The following ZBTB40 variants were observed in gnomAD, a reference collection of about 807,000 sequenced individuals.
The protein encoded by ZBTB40 is zinc finger and BTB domain containing 40, also known as zinc finger and BTB domain-containing protein 40.
Under a neutral mutation model 117.5 loss-of-function variants are expected in ZBTB40, and 60 were observed. The observed-to-expected ratio is 0.51, with a 90% CI of 0.41 to 0.63. The LOEUF is 0.63. Ranked by LOEUF, ZBTB40 falls within the 30% of genes least tolerant of loss-of-function variation. The pLI is 0.00. For missense variants in ZBTB40, 1,287 were observed against 1,498.5 expected, an observed-to-expected ratio of 0.86 and a Z score of 2.33; for synonymous variants, 525 against 577.1, an observed-to-expected ratio of 0.91 and a Z score of 1.29.
intron 1 of ZBTB40, among the ~76,000 whole-genome samples, chr1:22,461,531 A>G (rs1430547914): frequency 6.6e-6 from 1 of 152,192 alleles, no homozygotes; most frequent in African/African-American, 2.4e-5. Context: ...ATGGAGGGAA[A>G]TAGAGAGATG....
chr1:22,505,609 ACCTATGCT>A (rs1365501623), intron 5 of ZBTB40, among the ~76,000 whole-genome samples: 2 of 152,352 alleles, frequency 1.3e-5, no homozygotes, highest in African/African-American at 4.8e-5. Flanking sequence ...TGGAATTATA[ACCTATGCT>A]AATATTATGA....
At chr1:22,447,494 A>C (rs1325459909), upstream of ZBTB40, among the ~76,000 whole-genome samples, 1 of 152,126 alleles carries the variant, frequency 6.6e-6, no homozygotes, top group Non-Finnish European at 1.5e-5. Context: ...ATCATCTTGG[A>C]GCTAGAAACC....
chr1:22,446,257 A>G (rs978188865), intron 1 of ZBTB40, among the ~76,000 whole-genome samples: 7 of 152,076 alleles, frequency 4.6e-5, no homozygotes, highest in Non-Finnish European at 1.0e-4. Flanking sequence ...AGACAGAAAA[A>G]CAAAACAGAA....
chr1:22,494,953 G>A lies in ZBTB40; in HGVS notation c.831+3420G>A, dbSNP rs533382835. On this transcript the variant is annotated intron_variant, in intron 3 of 17. Transcript: ENST00000375647. The stretch of plus-strand genomic sequence containing the variant: ...TAGAACAACGTTGTTTCACATTTCC[G>A]TACAATTTTACAGTTTGGGGTATTT... Among the ~76,000 whole-genome samples the A allele has an allele frequency of 7.2e-5, 11 of 152,258 alleles. No homozygotes were observed. In the East Asian group the frequency reaches 9.7e-4, roughly 13 times the overall value.
intron 1 of ZBTB40, among the ~76,000 whole-genome samples, chr1:22,456,789 T>G (rs146115740): frequency 2.6e-4 from 39 of 152,338 alleles, no homozygotes; most frequent in Admixed American, 1.2e-3. Flanking sequence ...TACAGATGGT[T>G]GTTGTTAATT....
At chr1:22,433,432 C>CAAAA (rs767913519) in intron 1 of ZBTB40, among the ~76,000 whole-genome samples, 322 of 8,762 alleles carry the variant, frequency 0.037, 97 homozygotes, top group Non-Finnish European at 0.063. Context: ...GACGCCCTCT[C>CAAAA]AAAAAAAAAA....
intron 1 of ZBTB40, among the ~76,000 whole-genome samples, chr1:22,468,460 GTTTCCTTTTTTTTTTTT>G (rs1269813249): frequency 2.3e-5 from 2 of 88,776 alleles, no homozygotes; most frequent in African/African-American, 8.2e-5. Context: ...AAATGTTAAT[GTTTCCTTTTTTTTTTTT>G]TTTTTTTTTT....
intron 3 of ZBTB40, among the ~76,000 whole-genome samples, chr1:22,500,507 G>C (rs566277271): frequency 3.3e-5 from 5 of 152,348 alleles, no homozygotes; most frequent in African/African-American, 9.6e-5. Context: ...CGTAGGTGCT[G>C]TTAATGGTTA....
At chr1:22,514,510 C>T (rs1469031697) in intron 12 of ZBTB40, among the ~76,000 whole-genome samples, 1 of 152,146 alleles carries the variant, frequency 6.6e-6, no homozygotes, top group Non-Finnish European at 1.5e-5. Flanking sequence ...CCCGCAGGCA[C>T]CTGCTCCAGG....
chr1:22,453,150 A>G (rs1640923081), intron 1 of ZBTB40, among the ~76,000 whole-genome samples: 1 of 152,176 alleles, frequency 6.6e-6, no homozygotes, highest in South Asian at 2.1e-4. Flanking sequence ...CTGGAATTGT[A>G]CCCAGATCTT....
At position 22,517,591 on chromosome 1, in the gene ZBTB40, G is replaced by C. The variant is rs546561872; in HGVS notation, c.2833+127G>C. 3 of 1,155,132 alleles carry C rather than the reference G, an allele frequency of 2.6e-6. No individual in the cohort carries two copies. The Middle Eastern group carries it at 7.2e-4, about 279-fold the overall frequency. 71.6% of individuals were successfully genotyped at this position (1,155,132 alleles called of 1,614,324 possible). A position where few individuals can be genotyped will look rare whatever the true frequency, so the allele number is the denominator to read the frequency against. On this transcript the variant is annotated intron_variant, in intron 13 of 17. Coordinates refer to ENST00000375647, the MANE Select transcript of ZBTB40 (RefSeq NM_014870.4). ...TCAGTGCATTCCCCTTACCTGTTCC[G>C]CTGCAAAACCCAGAGTCCCTCATTC...
At position 22,513,992 on chromosome 1, in the gene ZBTB40, C is replaced by G. The variant is rs555511614; in HGVS notation, c.2668+862C>G. 6.6e-6 allele frequency among the ~76,000 whole-genome samples: 1 copy of G among 152,194 alleles called. No individual in the cohort carries two copies. The highest frequency in any genetic ancestry group is 1.5e-5 in the Non-Finnish European group (1 of 68,040). ...CCGTGGATCAGACAGTGGCAGATGC[C>G]GAGTGGCTGAGCTGGGATTCCTGTG... On this transcript the variant is annotated intron_variant, in intron 12 of 17. Transcript: ENST00000375647. This position sits in a 1 kb window ranked among gnomAD's most constrained non-coding sequence, Gnocchi z 4.9.
intron 1 of ZBTB40, among the ~76,000 whole-genome samples, chr1:22,468,513 T>TTGCG: frequency 7.1e-6 from 1 of 141,496 alleles, no homozygotes; most frequent in South Asian, 2.4e-4. Flanking sequence ...TGTCGCTCTG[T>TTGCG]TGCGTATGCT....
rs147421359 is a variant in ZBTB40, at chr1:22,501,529, C to T, written c.869C>T (p.Ser290Leu). ...TGTTTCGAGGGTGAAGGAGGACATT[C>T]AGCATTCCAGAGAATCCTGGGTAAA... ...VKCFEGEGGHSAFQRILGKVR... is the reference protein window; with the variant it reads ...VKCFEGEGGHLAFQRILGKVR... The change falls in exon 4 of 18, where the codon TCA becomes TTA. Residue 290 changes from serine (S) to leucine (L), a missense_variant. Coordinates refer to ENST00000375647, the MANE Select transcript of ZBTB40 (RefSeq NM_014870.4). The T allele has an allele frequency of 3.8e-5, 62 of 1,614,042 alleles. No homozygotes were observed. The highest frequency in any genetic ancestry group is 5.2e-5 in the Non-Finnish European group (61 of 1,180,036).
At position 22,445,048 on chromosome 1, in the gene ZBTB40, C is replaced by T. The variant is rs117598762; in HGVS notation, c.-70+16034C>T. Among the ~76,000 whole-genome samples the T allele has an allele frequency of 1.7e-4, 26 of 152,046 alleles. No homozygotes were observed. In the East Asian group the frequency reaches 3.7e-3, roughly 22 times the overall value. Reference sequence around the variant, plus strand: ...ACTTTGGTGCCATGTGATTTAGGTACGTTCCTTAGTGCTAACATACTTTGG... The same window carrying T: ...ACTTTGGTGCCATGTGATTTAGGTATGTTCCTTAGTGCTAACATACTTTGG... On this transcript the variant is annotated intron_variant, in intron 1 of 8. Coordinates refer to the ZBTB40 transcript ENST00000650433.
intron 4 of ZBTB40, 126 bp downstream of exon 4, chr1:22,501,810 G>A: frequency 1.9e-6 from 2 of 1,077,896 alleles, no homozygotes; most frequent in Non-Finnish European, 2.7e-6. Context: ...AGTTTCACAT[G>A]TAAATTCCAG....
chr1:22,470,378 G>C (rs1641370812), intron 1 of ZBTB40, among the ~76,000 whole-genome samples: 1 of 152,202 alleles, frequency 6.6e-6, no homozygotes, highest in African/African-American at 2.4e-5. Flanking sequence ...TGAATGAAGT[G>C]TGTGGGAGAA....
chr1:22,518,462 A>C (rs1364449988), intron 13 of ZBTB40, among the ~76,000 whole-genome samples: 4 of 152,334 alleles, frequency 2.6e-5, no homozygotes, highest in African/African-American at 9.6e-5. Flanking sequence ...ATTGGTGACA[A>C]GAGCAACCCT....
chr1:22,477,648 CA>C (rs773354092), intron 1 of ZBTB40, among the ~76,000 whole-genome samples: 156 of 66,690 alleles, frequency 2.3e-3, no homozygotes, highest in Middle Eastern at 0.011. Flanking sequence ...GACTCTGTCT[CA>C]AAAAAAAAAA....
Sources: allele counts gnomAD v4.1 joint callset (sites outside exome capture counted in the v4.1 genomes callset), GRCh38; gene constraint gnomAD v4.1.1; non-coding constraint Gnocchi (gnomAD v3.1); transcripts MANE v1.5; gene names NCBI Gene and HGNC (gene_info 2026-07-23, HGNC 2026-07-21).